Variants in DNAH7 observed in about 807,000 individuals in gnomAD.
The protein encoded by DNAH7 is dynein axonemal heavy chain 7.
A neutral mutation model predicts 444.6 loss-of-function variants in DNAH7; 397 were observed. The observed-to-expected ratio is 0.89, with a 90% CI of 0.82 to 0.97. The LOEUF (loss-of-function observed/expected upper bound fraction) is 0.97, where lower values mean the gene tolerates loss of function less well. Among genes scored for constraint, DNAH7 ranks in the 50% least tolerant of loss-of-function variants. The pLI, the probability that DNAH7 is intolerant of heterozygous loss-of-function variation, is 0.00. For missense variants in DNAH7, 4,902 were observed against 4,800.8 expected, an observed-to-expected ratio of 1.02 and a Z score of -0.62; for synonymous variants, 1,636 against 1,624.4, an observed-to-expected ratio of 1.01 and a Z score of -0.17.
At chr2:195,992,732 C>T (rs1219622745) in intron 12 of DNAH7, among the ~76,000 whole-genome samples, 1 of 152,130 alleles carries the variant, frequency 6.6e-6, no homozygotes, top group Non-Finnish European at 1.5e-5. Flanking sequence ...GGGAGATGGC[C>T]ATTGCCTCCT....
At chr2:195,972,526 C>T in intron 15 of DNAH7, 60 bp from the exon 16 acceptor site, 3 of 1,305,128 alleles carry the variant, frequency 2.3e-6, no homozygotes, top group Non-Finnish European at 2.2e-6. Flanking sequence ...CACGAAACAG[C>T]CTGCGGAAAT....
At chr2:195,754,933 A>G (rs1407828687) in intron 62 of DNAH7, among the ~76,000 whole-genome samples, 4 of 152,256 alleles carry the variant, frequency 2.6e-5, no homozygotes, top group Non-Finnish European at 5.9e-5. Context: ...CAAGGTTTTA[A>G]AAACAGGTGG....
intron 5 of DNAH7, among the ~76,000 whole-genome samples, chr2:196,041,030 A>T (rs1189096140): frequency 1.3e-5 from 2 of 152,086 alleles, no homozygotes; most frequent in African/African-American, 4.8e-5. Context: ...AATGAAAAAT[A>T]AAAAACACTG....
At chr2:195,797,099 A>G (rs1248962761) in intron 55 of DNAH7, among the ~76,000 whole-genome samples, 1 of 152,250 alleles carries the variant, frequency 6.6e-6, no homozygotes, top group Non-Finnish European at 1.5e-5. Flanking sequence ...AAAGAAAACT[A>G]AAAAGAGACA....
chr2:195,801,506 T>C (rs1304203813), intron 54 of DNAH7, among the ~76,000 whole-genome samples: 1 of 152,040 alleles, frequency 6.6e-6, no homozygotes, highest in African/African-American at 2.4e-5. Context: ...AATGGAAAGA[T>C]TTTTTGAAGG....
intron 10 of DNAH7, among the ~76,000 whole-genome samples, chr2:196,002,215 G>C (rs141401943): frequency 2.0e-5 from 3 of 152,276 alleles, no homozygotes; most frequent in African/African-American, 4.8e-5. Flanking sequence ...ATATTTGTTA[G>C]TTTAAAGTTA....
chr2:196,019,281 G>A lies in DNAH7; in HGVS notation c.758C>T (p.Pro253Leu). The part of the protein sequence containing the change: ...PAHRAEMEIL[P>L]KPWRKSFLAA... The stretch of plus-strand genomic sequence containing the variant: ...TAAAAAAGATTTCCTCCAAGGTTTT[G>A]GCAGAATTTCCATTCTGAAAACAAA... The change falls in exon 9 of 65, where the codon CCA (proline) becomes CTA (leucine). Residue 253 changes from proline to leucine, a missense_variant. Coordinates refer to ENST00000312428, the MANE Select transcript of DNAH7 (RefSeq NM_018897.3). 3.4e-6 allele frequency: 5 copies of A among 1,483,468 alleles called. No individual in the cohort carries two copies. In the South Asian group the frequency reaches 6.0e-5, roughly 18 times the overall value. The allele number at this position is 1,483,468 out of a possible 1,614,324, so 91.9% of individuals were successfully genotyped here.
intron 63 of DNAH7, among the ~76,000 whole-genome samples, chr2:195,752,141 G>A (rs1297298505): frequency 4.6e-5 from 7 of 152,146 alleles, no homozygotes; most frequent in East Asian, 1.9e-4. Flanking sequence ...GCAAGGTGGC[G>A]CACGCCTCTG....
chr2:195,963,341 T>C (rs1315188249), intron 17 of DNAH7, among the ~76,000 whole-genome samples: 1 of 152,212 alleles, frequency 6.6e-6, no homozygotes, highest in Non-Finnish European at 1.5e-5. Flanking sequence ...TAGTTTTGAT[T>C]TGCATGTCTC....
chr2:196,026,099 C>T (rs1695671404), intron 7 of DNAH7, among the ~76,000 whole-genome samples: 1 of 152,244 alleles, frequency 6.6e-6, no homozygotes, highest in Admixed American at 6.5e-5. Flanking sequence ...TAACTATTTT[C>T]GACTTTGTGG....
chr2:195,901,455 T>C (rs1686700045), intron 27 of DNAH7: 1 of 152,168 alleles, frequency 6.6e-6, no homozygotes, highest in Non-Finnish European at 1.5e-5. Flanking sequence ...ATATAATAAA[T>C]ATATCATTAG....
chr2:196,041,509 A>C (rs911596358), intron 5 of DNAH7, among the ~76,000 whole-genome samples: 2 of 152,024 alleles, frequency 1.3e-5, no homozygotes, highest in Non-Finnish European at 2.9e-5. Context: ...GGGTATCCAT[A>C]TGAAGAATAA....
chr2:196,041,338 A>G (rs1362561994), intron 5 of DNAH7, among the ~76,000 whole-genome samples: 4 of 152,152 alleles, frequency 2.6e-5, no homozygotes, highest in Admixed American at 2.0e-4. Flanking sequence ...TAACCAAAAC[A>G]GCATAATGCT....
At chr2:196,043,287 C>CA (rs1696889447) in intron 5 of DNAH7, among the ~76,000 whole-genome samples, 1 of 151,746 alleles carries the variant, frequency 6.6e-6, no homozygotes, top group East Asian at 1.9e-4. Context: ...ATGTTCCCCC[C>CA]AAAAAAGGTT....
At chr2:195,989,475 T>C (rs1040483716) in intron 12 of DNAH7, among the ~76,000 whole-genome samples, 14 of 152,360 alleles carry the variant, frequency 9.2e-5, no homozygotes, top group African/African-American at 3.1e-4. Flanking sequence ...GTTGGCCATC[T>C]ATTTGTATAT....
At chr2:196,061,007 TGTG>T (rs1197054206) in intron 1 of DNAH7, among the ~76,000 whole-genome samples, 1 of 152,212 alleles carries the variant, frequency 6.6e-6, no homozygotes, top group Non-Finnish European at 1.5e-5. Flanking sequence ...TGGTATACAA[TGTG>T]GTGTTTTGAT....
chr2:195,928,626 T>C lies in DNAH7; in HGVS notation c.3472-2060A>G, dbSNP rs1016903313. Among the ~76,000 whole-genome samples, 7 of 152,054 alleles carry C rather than the reference T, an allele frequency of 4.6e-5. No individual in the cohort carries two copies. In the East Asian group the frequency reaches 1.3e-3, roughly 29 times the overall value. On this transcript the variant is annotated intron_variant, in intron 21 of 64. Coordinates refer to ENST00000312428, the MANE Select transcript of DNAH7 (RefSeq NM_018897.3). ...AATTAAAATTCAAAGAAACCAGATA[T>C]ATGCATAAGTACATTCATTATAATA...
At position 195,864,492 on chromosome 2, in the gene DNAH7, G is replaced by A. The variant is rs372788044; in HGVS notation, c.7163C>T (p.Ala2388Val). Residue 2388 changes from alanine to valine, a missense_variant, in exon 41 of 65, where the codon GCG becomes GTG. Ala to Val is a moderately conservative substitution (Grantham distance 64). Transcript: ENST00000312428. ...EDLKVILRKCAEGEMQGVFLF... is the reference protein window; with the variant it reads ...EDLKVILRKCVEGEMQGVFLF... ...GAAGACACCCTGCATCTCACCTTCCGCACATTTCCTTAAGATCACTTTTAA... is the reference window on the plus strand; with the variant it reads ...GAAGACACCCTGCATCTCACCTTCCACACATTTCCTTAAGATCACTTTTAA... 53 of 1,614,080 alleles carry A rather than the reference G, an allele frequency of 3.3e-5. No individual in the cohort carries two copies. Among genetic ancestry groups the A allele is most frequent in the African/African-American group, 1.5e-4 (11 of 74,982 alleles).
chr2:195,972,524 A>T, intron 15 of DNAH7, 58 bp from the exon 16 acceptor site: 1 of 1,318,528 alleles, frequency 7.6e-7, no homozygotes, highest in Non-Finnish European at 1.1e-6. Context: ...GTCACGAAAC[A>T]GCCTGCGGAA....
Sources: gnomAD v4.1 joint callset for allele counts (sites outside exome capture counted in the v4.1 genomes callset) on GRCh38, gnomAD v4.1.1 for gene constraint, MANE v1.5 for transcripts, NCBI Gene and HGNC (gene_info 2026-07-23, HGNC 2026-07-21) for gene names.